CDH13: variants seen among roughly 807,000 people sequenced by gnomAD.
The protein encoded by CDH13 is cadherin-13.
In CDH13, 24 loss-of-function variants were observed where a neutral mutation model predicts 63.8. The observed-to-expected ratio is 0.38, with a 90% confidence interval of 0.27 to 0.53. CDH13 has a LOEUF of 0.53. Among genes scored for constraint, CDH13 ranks in the 20% least tolerant of loss-of-function variants. The probability of loss-of-function intolerance (pLI) is 0.85; values close to 1 mark genes in which losing one functional copy is unlikely to be tolerated. For missense variants in CDH13, 1,049 were observed against 903.1 expected (o/e 1.16, Z -2.07); for synonymous variants, 503 against 355.3 (o/e 1.42, Z -4.67).
At chr16:83,233,480 T>C (rs2151805678) in intron 5 of CDH13, among the ~76,000 whole-genome samples, 1 of 152,340 alleles carries the variant, frequency 6.6e-6, no homozygotes, top group African/African-American at 2.4e-5. Flanking sequence ...ATTTTTATCT[T>C]ACAGTTGTTT....
intron 7 of CDH13, among the ~76,000 whole-genome samples, chr16:83,600,083 C>T (rs767556588): frequency 1.4e-4 from 22 of 152,228 alleles, no homozygotes; most frequent in African/African-American, 2.4e-4. Flanking sequence ...GCATCTATAC[C>T]GAGAGATGCC....
At chr16:82,836,293 T>C (rs1461072399) in intron 1 of CDH13, among the ~76,000 whole-genome samples, 3 of 152,022 alleles carry the variant, frequency 2.0e-5, no homozygotes, top group Non-Finnish European at 2.9e-5. Context: ...GGATTACAGG[T>C]GCCCACCACC....
chr16:82,895,200 T>C (rs2041211207), intron 2 of CDH13, among the ~76,000 whole-genome samples: 1 of 152,190 alleles, frequency 6.6e-6, no homozygotes, highest in Non-Finnish European at 1.5e-5. Context: ...AAGCAGCCGT[T>C]CTGCATTCCT....
At chr16:83,161,665 A>G (rs181139126) in intron 4 of CDH13, among the ~76,000 whole-genome samples, 43 of 152,230 alleles carry the variant, frequency 2.8e-4, no homozygotes, top group African/African-American at 1.0e-3. Flanking sequence ...ATGGATTTGC[A>G]TATTTATAGA....
chr16:82,960,097 C>G (rs1220533689), intron 2 of CDH13, among the ~76,000 whole-genome samples: 1 of 152,022 alleles, frequency 6.6e-6, no homozygotes, highest in South Asian at 2.1e-4. Flanking sequence ...GATGATGGAT[C>G]AAGAATGCCA....
intron 3 of CDH13, among the ~76,000 whole-genome samples, chr16:83,034,469 C>G (rs1034667004): frequency 2.0e-5 from 3 of 152,192 alleles, no homozygotes; most frequent in Admixed American, 1.3e-4. Context: ...CAAAGGCAAG[C>G]TTTTCTCTTA....
chr16:82,842,990 G>T (rs2151136111), intron 1 of CDH13, among the ~76,000 whole-genome samples: 1 of 152,284 alleles, frequency 6.6e-6, no homozygotes, highest in East Asian at 1.9e-4. Flanking sequence ...TATAAATACA[G>T]ACGCAGCTCC....
chr16:82,858,292 G>T (rs1430132451), intron 1 of CDH13, 70 bp from the exon 2 acceptor site: 5 of 1,018,838 alleles, frequency 4.9e-6, no homozygotes, highest in Non-Finnish European at 7.5e-6. Context: ...AAAAGTTGCG[G>T]ATTTGGCGAA....
intron 1 of CDH13, among the ~76,000 whole-genome samples, chr16:82,635,318 C>T (rs1358275546): frequency 1.3e-5 from 2 of 152,198 alleles, no homozygotes; most frequent in African/African-American, 4.8e-5. Context: ...CAGCCCAAAT[C>T]TGGAGGAGCA....
intron 7 of CDH13, among the ~76,000 whole-genome samples, chr16:83,556,848 C>G (rs1598284094): frequency 6.6e-6 from 1 of 152,334 alleles, no homozygotes; most frequent in East Asian, 1.9e-4. Flanking sequence ...AACTTTACAG[C>G]AAAGGAAACG....
intron 6 of CDH13, among the ~76,000 whole-genome samples, chr16:83,464,571 G>A (rs939545664): frequency 9.9e-5 from 15 of 152,012 alleles, no homozygotes; most frequent in African/African-American, 3.1e-4. Flanking sequence ...CATTGGCCAG[G>A]CTGGTCTTGA....
At chr16:83,557,854 T>C (rs2095334470) in intron 7 of CDH13, among the ~76,000 whole-genome samples, 1 of 152,154 alleles carries the variant, frequency 6.6e-6, no homozygotes, top group Non-Finnish European at 1.5e-5. Context: ...TTAGGGCACA[T>C]GCTTCGATCA....
intron 6 of CDH13, among the ~76,000 whole-genome samples, chr16:83,485,551 G>T (rs531841520): frequency 1.6e-4 from 24 of 152,196 alleles, no homozygotes; most frequent in African/African-American, 5.3e-4. Flanking sequence ...ATTAGTGTTT[G>T]CTCTCATTCC....
At chr16:82,961,758 C>T (rs897902622) in intron 2 of CDH13, among the ~76,000 whole-genome samples, 1 of 152,092 alleles carries the variant, frequency 6.6e-6, no homozygotes, top group Non-Finnish European at 1.5e-5. Flanking sequence ...GTCTTTGGTT[C>T]TCAAGTTGGG....
intron 7 of CDH13, among the ~76,000 whole-genome samples, chr16:83,555,095 T>C (rs1389214606): frequency 2.6e-5 from 4 of 152,130 alleles, no homozygotes; most frequent in African/African-American, 9.7e-5. Flanking sequence ...TCACTGACCA[T>C]GTTGTATACA....
intron 1 of CDH13, among the ~76,000 whole-genome samples, chr16:82,842,145 T>TATGTATATATATATATATATAC (rs2039055089): frequency 2.5e-4 from 7 of 27,596 alleles, no homozygotes; most frequent in African/African-American, 8.1e-4. Context: ...TATACACATA[T>TATGTATATATATATATATATAC]ATATATATAT....
At chr16:82,751,986 C>G (rs1464384954) in intron 1 of CDH13, among the ~76,000 whole-genome samples, 1 of 152,188 alleles carries the variant, frequency 6.6e-6, no homozygotes, top group Non-Finnish European at 1.5e-5. Context: ...TAAACGCCAA[C>G]AAACAATGAC....
intron 8 of CDH13, among the ~76,000 whole-genome samples, chr16:83,624,073 A>G (rs1026250263): frequency 2.0e-5 from 3 of 152,138 alleles, no homozygotes; most frequent in Non-Finnish European, 2.9e-5. Flanking sequence ...AAGCCCTCAG[A>G]CAATGTGGAC....
At chr16:82,698,167 C>T (rs2030561956) in intron 1 of CDH13, among the ~76,000 whole-genome samples, 3 of 152,178 alleles carry the variant, frequency 2.0e-5, no homozygotes, top group South Asian at 2.1e-4. Context: ...AAGATTGGAG[C>T]ATTGGTAAGA....
Sources: gnomAD v4.1 joint callset for allele counts (sites outside exome capture counted in the v4.1 genomes callset) on GRCh38, gnomAD v4.1.1 for gene constraint, MANE v1.5 for transcripts, NCBI Gene and HGNC (gene_info 2026-07-23, HGNC 2026-07-21) for gene names.